Variants in BRSK1 observed in about 807,000 individuals in gnomAD.
BRSK1 encodes the protein serine/threonine-protein kinase BRSK1.
In BRSK1, 17 loss-of-function variants were observed where a neutral mutation model predicts 86.2. The observed-to-expected ratio is 0.20, with a 90% CI of 0.14 to 0.30. The LOEUF is 0.30. BRSK1 is among the 10% of genes least tolerant of loss of function. BRSK1 has a pLI of 1.00. For missense variants in BRSK1, 719 were observed against 1,071.9 expected, an observed-to-expected ratio of 0.67 and a Z score of 4.60; for synonymous variants, 464 against 440.1, an observed-to-expected ratio of 1.05 and a Z score of -0.68.
At chr19:55,297,927 C>T (rs1209347897) in intron 7 of BRSK1, among the ~76,000 whole-genome samples, 1 of 150,774 alleles carries the variant, frequency 6.6e-6, no homozygotes, top group African/African-American at 2.5e-5. Flanking sequence ...ATTCTCCTGC[C>T]TCAGCCTCCC....
Position 55,312,110 on chromosome 19 carries a change from C to T in BRSK1, c.*42C>T, listed in dbSNP as rs117077997. On this transcript the variant is annotated 3_prime_UTR_variant, in exon 19 of 19. Transcript: ENST00000309383. ...AGGGAGGGGACCCCCCTCCACCCCC[C>T]TTCCGTGCCCCCCAACTGTGAATCT... 2.3e-6 allele frequency: 2 copies of T among 879,814 alleles called. No individual in the cohort carries two copies. Among genetic ancestry groups the T allele is most frequent in the South Asian group, 1.9e-5 (1 of 53,968 alleles). The allele number at this position is 879,814 out of a possible 1,614,324, so 54.5% of individuals were successfully genotyped here.
rs1600165785 is a variant in BRSK1 at position 55,284,347 on chromosome 19, C to T, written c.-96C>T. 1 of 899,796 alleles carries T rather than the reference C, an allele frequency of 1.1e-6. No homozygotes were observed. The highest frequency in any genetic ancestry group is 1.8e-5 in the African/African-American group (1 of 56,920). The allele number at this position is 899,796 out of a possible 1,614,324, so 55.7% of individuals were successfully genotyped here. A position where few individuals can be genotyped will look rare whatever the true frequency, so the allele number is the denominator to read the frequency against. The stretch of plus-strand genomic sequence containing the variant: ...GAGAGGTGGGGGGCAGCCGGGGGGG[C>T]CGGGACGGAGCGGTCGCCGGCCCCC... On this transcript the variant is annotated 5_prime_UTR_variant, in exon 1 of 19. Coordinates refer to ENST00000309383, the MANE Select transcript of BRSK1 (RefSeq NM_032430.2).
chr19:55,307,780 ACACACACAAT>A (rs1568989595), intron 17 of BRSK1, among the ~76,000 whole-genome samples: 10 of 120,772 alleles, frequency 8.3e-5, no homozygotes, highest in Admixed American at 1.7e-4. Context: ...ACACACACAC[ACACACACAAT>A]TTAAAAAAAA....
intron 7 of BRSK1, among the ~76,000 whole-genome samples, chr19:55,295,421 G>C (rs547917917): frequency 1.6e-4 from 24 of 152,276 alleles, no homozygotes; most frequent in Admixed American, 1.5e-3. Flanking sequence ...ACCGAACCCA[G>C]CCCATCTCTC....
rs1022177738 is a variant in BRSK1, at chr19:55,294,616, C to T, written c.678+219C>T. Among the ~76,000 whole-genome samples the T allele has an allele frequency of 5.3e-5, 8 of 152,108 alleles. No homozygotes were observed. Among genetic ancestry groups the T allele is most frequent in the African/African-American group, 1.9e-4 (8 of 41,480 alleles). On this transcript the variant is annotated intron_variant, in intron 7 of 18. Transcript: ENST00000309383. This position sits in a 1 kb window ranked among gnomAD's most constrained non-coding sequence, Gnocchi z 4.9. Reference sequence around the variant, plus strand: ...TCCCAGCTTCAAGCAATTCTCCTGCCTCAGCCTCCCAAGTAGCTGGGATTG... The same window carrying T: ...TCCCAGCTTCAAGCAATTCTCCTGCTTCAGCCTCCCAAGTAGCTGGGATTG...
rs1296077059 is a variant in BRSK1 at position 55,308,463 on chromosome 19, T to A, written c.2090-176T>A. Reference sequence around the variant, plus strand: ...TGTGAGTTTGACCGTGATCCTTAAATAGCAGCACAGACCCATTTGCAAACC... The same window carrying A: ...TGTGAGTTTGACCGTGATCCTTAAAAAGCAGCACAGACCCATTTGCAAACC... On this transcript the variant is annotated intron_variant, in intron 17 of 18. Coordinates refer to ENST00000309383, the MANE Select transcript of BRSK1 (RefSeq NM_032430.2). Among the ~76,000 whole-genome samples, 3 of 128,636 alleles carry A rather than the reference T, an allele frequency of 2.3e-5. No individual in the cohort carries two copies. The East Asian group carries it at 5.8e-4, about 25-fold the overall frequency. 84.4% of individuals were successfully genotyped at this position (128,636 alleles called of 152,430 possible). A position where few individuals can be genotyped will look rare whatever the true frequency, so the allele number is the denominator to read the frequency against.
chr19:55,305,469 A>G lies in BRSK1; in HGVS notation c.1773A>G (p.Ala591=). Residue 591 remains alanine, a synonymous_variant, in exon 16 of 19, where the codon GCA becomes GCG. Transcript: ENST00000309383. ...ACCACCCCCTCCCACTCAGGCTGGCAAAACGCTCCTGGTTCGGGAACTTCA... is the reference window on the plus strand; with the variant it reads ...ACCACCCCCTCCCACTCAGGCTGGCGAAACGCTCCTGGTTCGGGAACTTCA... The part of the protein sequence containing the change: ...SLTPESSPEL[A]KRSWFGNFIS... The G allele has an allele frequency of 6.2e-7, 1 of 1,614,160 alleles. No homozygotes were observed. Among genetic ancestry groups the G allele is most frequent in the Non-Finnish European group, 8.5e-7 (1 of 1,180,004 alleles).
intron 4 of BRSK1, among the ~76,000 whole-genome samples, chr19:55,293,199 A>T (rs2088434489): frequency 6.6e-6 from 1 of 151,970 alleles, no homozygotes; most frequent in South Asian, 2.1e-4. Context: ...GTCTCTACTA[A>T]AAATACAAAA....
chr19:55,306,516 T>TA lies in BRSK1; in HGVS notation c.2089+67dup. The TA allele has an allele frequency of 6.4e-7, 1 of 1,566,728 alleles. No homozygotes were observed. Among genetic ancestry groups the TA allele is most frequent in the Non-Finnish European group, 8.7e-7 (1 of 1,149,256 alleles). On this transcript the variant is annotated intron_variant, in intron 17 of 18. Coordinates refer to ENST00000309383, the MANE Select transcript of BRSK1 (RefSeq NM_032430.2). The surrounding 1 kb of genome is among the most constrained non-coding windows in gnomAD (Gnocchi z 4.7). ...ACTGTTCACGACAGCTGAGACAGTG[T>TA]AGGGGCCCAGGAGTGCAGCAGCAGG...
intron 18 of BRSK1, among the ~76,000 whole-genome samples, chr19:55,311,447 G>A (rs1398770900): frequency 1.3e-5 from 2 of 152,122 alleles, no homozygotes; most frequent in Non-Finnish European, 2.9e-5. Context: ...TGAGGGGCCT[G>A]AGACCCCCCC....
Position 55,312,115 on chromosome 19 carries a change from G to A in BRSK1, c.*47G>A, listed in dbSNP as rs568641748. 1.7e-5 allele frequency: 14 copies of A among 815,674 alleles called. No homozygotes were observed. Among genetic ancestry groups the A allele is most frequent in the Middle Eastern group, 7.6e-4 (2 of 2,634 alleles). The allele number at this position is 815,674 out of a possible 1,614,324, so 50.5% of individuals were successfully genotyped here. On this transcript the variant is annotated 3_prime_UTR_variant, in exon 19 of 19. Transcript: ENST00000309383. ...GGGGACCCCCCTCCACCCCCCTTCC[G>A]TGCCCCCCAACTGTGAATCTGTAAA...
intron 7 of BRSK1, among the ~76,000 whole-genome samples, chr19:55,295,595 A>G (rs2088475104): frequency 6.6e-6 from 1 of 152,230 alleles, no homozygotes; most frequent in South Asian, 2.1e-4. Flanking sequence ...GAAAGGAACA[A>G]GTCATCCAGG....
At chr19:55,292,023 G>A (rs1014974530) in intron 4 of BRSK1, among the ~76,000 whole-genome samples, 3 of 152,174 alleles carry the variant, frequency 2.0e-5, no homozygotes, top group Non-Finnish European at 4.4e-5. Context: ...GCCTCCTGAA[G>A]TACTGGGATG....
chr19:55,311,980 G>T lies in BRSK1; in HGVS notation c.2249G>T (p.Arg750Leu), dbSNP rs370352134. ...CGAAGCCTGCAGCCCCCACCCGGCC[G>T]CCCAGACCCAGAGCTGAGCAGCTCT... ...PPRSLQPPPG[R>L]PDPELSSSPR... Residue 750 changes from arginine (R) to leucine (L), a missense_variant, in exon 19 of 19, where the codon CGC (arginine) becomes CTC (leucine). This residue lies in a region of BRSK1 where 82 missense variants were observed against 72.6 expected (regional missense o/e 1.13). Coordinates refer to ENST00000309383, the MANE Select transcript of BRSK1 (RefSeq NM_032430.2). 7 of 1,433,874 alleles carry T rather than the reference G, an allele frequency of 4.9e-6. No individual in the cohort carries two copies. In the Admixed American group the frequency reaches 7.7e-5, roughly 16 times the overall value. 88.8% of individuals were successfully genotyped at this position (1,433,874 alleles called of 1,614,324 possible).
intron 1 of BRSK1, among the ~76,000 whole-genome samples, chr19:55,285,224 G>A (rs2088292908): frequency 6.7e-6 from 1 of 149,512 alleles, no homozygotes; most frequent in Non-Finnish European, 1.5e-5. Context: ...GAGGGGCAGG[G>A]GTGCTGAACT....
At chr19:55,307,997 CT>C (rs200651333) in intron 17 of BRSK1, among the ~76,000 whole-genome samples, 1 of 146,346 alleles carries the variant, frequency 6.8e-6, no homozygotes, top group Non-Finnish European at 1.5e-5. Flanking sequence ...ATTTCTTTTT[CT>C]TTTTTTTTGT....
Position 55,302,516 on chromosome 19 carries a change from G to T in BRSK1, c.858-181G>T. On this transcript the variant is annotated intron_variant, in intron 9 of 18. Coordinates refer to ENST00000309383, the MANE Select transcript of BRSK1 (RefSeq NM_032430.2). The surrounding 1 kb of genome is among the most constrained non-coding windows in gnomAD (Gnocchi z 6.3). ...CCTCGGTCGGAGGGAAAAGGGGCTG[G>T]AGGTCTGGACTCCTGGGTCTGAGAT... is the stretch of plus-strand genomic sequence containing the variant. 1.3e-6 allele frequency: 1 copy of T among 766,834 alleles called. No individual in the cohort carries two copies. The highest frequency in any genetic ancestry group is 2.1e-6 in the Non-Finnish European group (1 of 481,238). 47.5% of individuals were successfully genotyped at this position (766,834 alleles called of 1,614,324 possible).
chr19:55,304,678 C>G lies in BRSK1; in HGVS notation c.1475C>G (p.Pro492Arg). The change falls in exon 14 of 19, where the codon CCC becomes CGC. Residue 492 changes from proline to arginine, a missense_variant. Physicochemically the swap from Pro to Arg is moderately radical, Grantham distance 103. Coordinates refer to ENST00000309383, the MANE Select transcript of BRSK1 (RefSeq NM_032430.2). This position sits in a 1 kb window ranked among gnomAD's most constrained non-coding sequence, Gnocchi z 5.2. ...AGGGGTGGGGGCGCCGGGGAGCAGC[C>G]CCCGCCCCCCAGTGCCCGCTCCACA... ...GPRGGGAGEQ[P>R]PPPSARSTPL... The G allele has an allele frequency of 6.7e-7, 1 of 1,484,634 alleles. No individual in the cohort carries two copies. Among genetic ancestry groups the G allele is most frequent in the South Asian group, 1.3e-5 (1 of 74,598 alleles). 92.0% of individuals were successfully genotyped at this position (1,484,634 alleles called of 1,614,324 possible). A position where few individuals can be genotyped will look rare whatever the true frequency, so the allele number is the denominator to read the frequency against.
rs556352846 is a variant in BRSK1, at chr19:55,306,606, A to G, written c.2089+156A>G. ...TCCTCCTGCCCACACAGACCGCCCC[A>G]CAAGCCCATCCTCTATTTCCCCACT... On this transcript the variant is annotated intron_variant, in intron 17 of 18. Coordinates refer to ENST00000309383, the MANE Select transcript of BRSK1 (RefSeq NM_032430.2). The surrounding 1 kb of genome is among the most constrained non-coding windows in gnomAD (Gnocchi z 4.7). Among the ~76,000 whole-genome samples the G allele has an allele frequency of 1.3e-5, 2 of 152,274 alleles. No individual in the cohort carries two copies. Among genetic ancestry groups the G allele is most frequent in the African/African-American group, 4.8e-5 (2 of 41,560 alleles).
Sources: gnomAD v4.1 joint callset for allele counts (sites outside exome capture counted in the v4.1 genomes callset) on GRCh38, gnomAD v4.1.1 for gene constraint, gnomAD v4.1.1 regional missense constraint, Gnocchi (gnomAD v3.1) non-coding constraint, MANE v1.5 for transcripts, NCBI Gene and HGNC (gene_info 2026-07-23, HGNC 2026-07-21) for gene names.